The following TRIM71 variants were observed in gnomAD, a reference collection of about 807,000 sequenced individuals.
TRIM71 encodes tripartite motif containing 71, also known as E3 ubiquitin-protein ligase TRIM71.
In TRIM71, 9 loss-of-function variants were observed where a neutral mutation model predicts 61.2. The observed-to-expected ratio is 0.15, with a 90% CI of 0.09 to 0.26. The LOEUF (loss-of-function observed/expected upper bound fraction) is 0.26. Ranked by LOEUF, TRIM71 falls within the 10% of genes least tolerant of loss-of-function variation. The pLI is 1.00. For synonymous variants in TRIM71, 645 were observed against 553.2 expected (o/e 1.17, Z -2.33); for missense variants, 998 against 1,238.7 (o/e 0.81, Z 2.92).
rs1336403318 is a variant in TRIM71 at position 32,874,369 on chromosome 3, C to CT, written c.1020+384_1020+385insT. ...ACTACTACTACTACTACTACTACTA[C>CT]AACATATTTTTTGAGATGAGTCTTG... On this transcript the variant is annotated intron_variant, in intron 2 of 3. Transcript: ENST00000383763. Among the ~76,000 whole-genome samples, 8 of 145,364 alleles carry CT rather than the reference C, an allele frequency of 5.5e-5. No homozygotes were observed. In the South Asian group the frequency reaches 1.5e-3, roughly 28 times the overall value.
chr3:32,848,822 C>G (rs6550166), intron 1 of TRIM71, among the ~76,000 whole-genome samples: 2 of 151,754 alleles, frequency 1.3e-5, no homozygotes, highest in Non-Finnish European at 2.9e-5. Flanking sequence ...GGTCACAGGA[C>G]AACCAGAAAG....
In TRIM71 at chr3:32,832,057, CTGTT is replaced by C. The variant is rs535344605; in HGVS notation, c.852+13128_852+13131del. On this transcript the variant is annotated intron_variant, in intron 1 of 3. Transcript: ENST00000383763. ...TCCTTGCTTTAGTCTTGTGGTTTGA[CTGTT>C]TGGGAATATAAAACTGAAAAGGAAA... 8.8e-3 allele frequency among the ~76,000 whole-genome samples: 1,347 copies of C among 152,252 alleles called. 10 individuals are homozygous for C. The highest frequency in any genetic ancestry group is 0.013 in the Non-Finnish European group (857 of 68,020).
At chr3:32,877,929 C>T (rs1024822928) in intron 2 of TRIM71, among the ~76,000 whole-genome samples, 3 of 152,094 alleles carry the variant, frequency 2.0e-5, no homozygotes, top group African/African-American at 7.2e-5. Flanking sequence ...CTATGAATCA[C>T]GAATGCTCTT....
chr3:32,853,220 G>T (rs557411456), intron 1 of TRIM71, among the ~76,000 whole-genome samples: 2 of 150,946 alleles, frequency 1.3e-5, no homozygotes, highest in South Asian at 4.2e-4. Flanking sequence ...GGGTTCAAGC[G>T]ATTCTCCTGC....
intron 1 of TRIM71, among the ~76,000 whole-genome samples, chr3:32,822,760 C>CT (rs1559535961): frequency 6.6e-6 from 1 of 152,224 alleles, no homozygotes; most frequent in South Asian, 2.1e-4. Context: ...AAGTAATTCT[C>CT]TTTTTAAGGG....
At chr3:32,872,136 G>A (rs1036907119) in intron 1 of TRIM71, among the ~76,000 whole-genome samples, 4 of 152,232 alleles carry the variant, frequency 2.6e-5, no homozygotes, top group African/African-American at 9.6e-5. Flanking sequence ...GGTGACAAGA[G>A]CAAGACTCTG....
At chr3:32,822,033 T>C (rs931949538) in intron 1 of TRIM71, among the ~76,000 whole-genome samples, 1 of 152,166 alleles carries the variant, frequency 6.6e-6, no homozygotes, top group Non-Finnish European at 1.5e-5. Flanking sequence ...AGTGTTGTTT[T>C]GCTTTTGGCA....
At chr3:32,872,603 C>G (rs1400842079) in intron 1 of TRIM71, among the ~76,000 whole-genome samples, 2 of 152,208 alleles carry the variant, frequency 1.3e-5, no homozygotes, top group Non-Finnish European at 2.9e-5. Flanking sequence ...TCTATTCAGT[C>G]TGCGCAGAAT....
intron 1 of TRIM71, among the ~76,000 whole-genome samples, chr3:32,848,658 G>A (rs572899228): frequency 1.3e-5 from 2 of 152,056 alleles, no homozygotes; most frequent in South Asian, 2.1e-4. Flanking sequence ...TTTTTCCCTT[G>A]AGCCAGGCAG....
At chr3:32,876,723 C>G (rs1696856063) in intron 2 of TRIM71, among the ~76,000 whole-genome samples, 1 of 152,180 alleles carries the variant, frequency 6.6e-6, no homozygotes, top group Admixed American at 6.5e-5. Flanking sequence ...CTGGTGCTCT[C>G]TGTGCTTAGT....
chr3:32,824,478 AGAGCCACCGC>A (rs1696179279), intron 1 of TRIM71, among the ~76,000 whole-genome samples: 1 of 151,376 alleles, frequency 6.6e-6, no homozygotes, highest in Non-Finnish European at 1.5e-5. Context: ...ATTACAGGCA[AGAGCCACCGC>A]GCCTGGCCCT....
At chr3:32,824,271 G>C (rs1207894832) in intron 1 of TRIM71, among the ~76,000 whole-genome samples, 1 of 151,420 alleles carries the variant, frequency 6.6e-6, no homozygotes, top group Non-Finnish European at 1.5e-5. Context: ...TCCACCTCAC[G>C]GGTTCAAGTG....
At chr3:32,833,350 C>T (rs1389138993) in intron 1 of TRIM71, among the ~76,000 whole-genome samples, 1 of 152,014 alleles carries the variant, frequency 6.6e-6, no homozygotes. Context: ...ATAAAGTAAG[C>T]TCTGGGGAAA....
chr3:32,855,863 C>T (rs751420641), intron 1 of TRIM71, among the ~76,000 whole-genome samples: 16 of 152,184 alleles, frequency 1.1e-4, no homozygotes, highest in Non-Finnish European at 2.1e-4. Context: ...GGACAGCATA[C>T]AGGAGAGATG....
In TRIM71 at chr3:32,818,179, GTCC is replaced by G. The variant is rs755176693; in HGVS notation, c.105_107del (p.Ser36del). 2.8e-5 allele frequency: 45 copies of G among 1,599,398 alleles called. No homozygotes were observed. The highest frequency in any genetic ancestry group is 3.7e-5 in the Non-Finnish European group (44 of 1,174,340). ...TCTCCTCCAACTCGTCCGCGTCGTC[GTCC>G]TCCTCGCAGACGTCCACGTCGTCGG... On this transcript the variant is annotated inframe_deletion, in exon 1 of 4. Coordinates refer to ENST00000383763, the MANE Select transcript of TRIM71 (RefSeq NM_001039111.3).
intron 1 of TRIM71, among the ~76,000 whole-genome samples, chr3:32,824,440 G>T (rs1319346112): frequency 4.6e-5 from 7 of 150,586 alleles, no homozygotes; most frequent in Admixed American, 4.0e-4. Flanking sequence ...TGATCCACCT[G>T]CCTCGGCTTC....
intron 2 of TRIM71, among the ~76,000 whole-genome samples, chr3:32,879,076 A>G (rs1696879784): frequency 6.6e-6 from 1 of 151,638 alleles, no homozygotes; most frequent in Non-Finnish European, 1.5e-5. Flanking sequence ...TGTTTTGGAG[A>G]TAACTTGTTT....
chr3:32,896,669 G>A lies in TRIM71; in HGVS notation c.*4858G>A, dbSNP rs1697080814. On this transcript the variant is annotated 3_prime_UTR_variant, in exon 4 of 4. Transcript: ENST00000383763. Reference sequence around the variant, plus strand: ...ACTGATCTTACGGGTTAACAAGCCAGCCTGGTGGGATATTTTCCATCATCA... The same window carrying A: ...ACTGATCTTACGGGTTAACAAGCCAACCTGGTGGGATATTTTCCATCATCA... 6.6e-6 allele frequency: 1 copy of A among 152,190 alleles called. No homozygotes were observed. The highest frequency in any genetic ancestry group is 2.4e-5 in the African/African-American group (1 of 41,444). The allele number at this position is 152,190 out of a possible 1,614,324, so 9.4% of individuals were successfully genotyped here.
intron 1 of TRIM71, among the ~76,000 whole-genome samples, chr3:32,843,802 C>A (rs1696438626): frequency 6.6e-6 from 1 of 152,174 alleles, no homozygotes; most frequent in African/African-American, 2.4e-5. Flanking sequence ...TCCTGTCGTG[C>A]TGCTTTCTGG....
Sources: gnomAD v4.1 joint callset for allele counts (sites outside exome capture counted in the v4.1 genomes callset) on GRCh38, gnomAD v4.1.1 for gene constraint, MANE v1.5 for transcripts, NCBI Gene and HGNC (gene_info 2026-07-23, HGNC 2026-07-21) for gene names.